ADGRA3: variants seen among roughly 807,000 people sequenced by gnomAD.
ADGRA3 encodes the protein G-protein coupled receptor 125.
Under a neutral mutation model 119.8 loss-of-function variants are expected in ADGRA3, and 56 were observed. The ratio of observed to expected loss-of-function variants is 0.47; its 90% CI spans 0.38 to 0.58. The LOEUF (loss-of-function observed/expected upper bound fraction) is 0.58, where lower values mean the gene tolerates loss of function less well. Among genes scored for constraint, ADGRA3 ranks in the 20% least tolerant of loss-of-function variants. The pLI, the probability that ADGRA3 is intolerant of heterozygous loss-of-function variation, is 0.00. For synonymous variants in ADGRA3, 607 were observed against 623.8 expected, an observed-to-expected ratio of 0.97 and a Z score of 0.40; for missense variants, 1,516 against 1,649.0, an observed-to-expected ratio of 0.92 and a Z score of 1.40.
At chr4:22,431,379 T>A (rs1172512217) in intron 10 of ADGRA3, among the ~76,000 whole-genome samples, 6 of 138,592 alleles carry the variant, frequency 4.3e-5, no homozygotes, top group Non-Finnish European at 9.6e-5. Flanking sequence ...GGGAGGGAGC[T>A]GTACCCTGCA....
chr4:22,447,475 T>A lies in ADGRA3; in HGVS notation c.510A>T (p.Gln170His). The A allele has an allele frequency of 6.3e-7, 1 of 1,580,984 alleles. No individual in the cohort carries two copies. The highest frequency in any genetic ancestry group is 8.6e-7 in the Non-Finnish European group (1 of 1,166,450). Reference protein sequence around the residue: ...LSGNLFSSLSQGTFDYLASLR... With the variant: ...LSGNLFSSLSHGTFDYLASLR... ...ATGACGCAAGATAATCAAAAGTTCC[T>A]TGAGATAATGAAGAAAACAAATTCC... The change falls in exon 5 of 19, where the codon CAA becomes CAT. Residue 170 changes from glutamine to histidine, a missense_variant. This residue lies in a region of ADGRA3 where 428 missense variants were observed against 541.9 expected (regional missense o/e 0.79). Coordinates refer to ENST00000334304, the MANE Select transcript of ADGRA3 (RefSeq NM_145290.4).
chr4:22,444,470 G>C (rs1211906044), intron 6 of ADGRA3, among the ~76,000 whole-genome samples: 1 of 152,204 alleles, frequency 6.6e-6, no homozygotes, highest in Non-Finnish European at 1.5e-5. Flanking sequence ...ATTTTTAGTA[G>C]AGACAGGGTT....
chr4:22,416,662 C>G (rs748922599), intron 12 of ADGRA3, among the ~76,000 whole-genome samples: 11 of 152,052 alleles, frequency 7.2e-5, no homozygotes, highest in Non-Finnish European at 1.5e-4. Context: ...AGAGGAAATG[C>G]CTTAACTAAA....
intron 1 of ADGRA3, chr4:22,515,326 G>A: frequency 2.0e-6 from 1 of 501,710 alleles, no homozygotes; most frequent in Non-Finnish European, 3.2e-6. Flanking sequence ...TAGTGGAGCT[G>A]GGAGGCAGCT....
intron 10 of ADGRA3, among the ~76,000 whole-genome samples, chr4:22,427,787 A>C (rs1716002354): frequency 6.6e-6 from 1 of 152,214 alleles, no homozygotes; most frequent in African/African-American, 2.4e-5. Flanking sequence ...CAACCAGTGT[A>C]AGGAGCATGC....
At chr4:22,413,836 A>T in intron 12 of ADGRA3, 22 bp from the exon 13 acceptor site, 1 of 1,518,884 alleles carries the variant, frequency 6.6e-7, no homozygotes, top group South Asian at 1.2e-5. Flanking sequence ...TATATACATA[A>T]AAAAAGCTCA....
chr4:22,425,118 C>G (rs1246316800), intron 10 of ADGRA3, among the ~76,000 whole-genome samples: 1 of 151,544 alleles, frequency 6.6e-6, no homozygotes, highest in Non-Finnish European at 1.5e-5. Flanking sequence ...CTACCCACCT[C>G]TTTAGTCTCT....
At chr4:22,426,990 C>T (rs1035378698) in intron 10 of ADGRA3, among the ~76,000 whole-genome samples, 3 of 152,072 alleles carry the variant, frequency 2.0e-5, no homozygotes, top group South Asian at 2.1e-4. Context: ...GTCAATCAGC[C>T]GTTTATACAG....
chr4:22,393,580 G>A (rs1270078290), intron 16 of ADGRA3: 1 of 152,142 alleles, frequency 6.6e-6, no homozygotes, highest in Admixed American at 6.5e-5. Flanking sequence ...GGTGATCTGA[G>A]CAAAGTCACG....
intron 3 of ADGRA3, among the ~76,000 whole-genome samples, chr4:22,459,518 G>C (rs1560328351): frequency 6.6e-6 from 1 of 151,886 alleles, no homozygotes; most frequent in African/African-American, 2.4e-5. Context: ...AAATAAGACA[G>C]ACGATGTCAA....
At chr4:22,395,578 C>G (rs1846730) in intron 16 of ADGRA3, among the ~76,000 whole-genome samples, 5,381 of 152,224 alleles carry the variant, frequency 0.035, 327 homozygotes, top group African/African-American at 0.12. Flanking sequence ...GTACGGCTGT[C>G]ATTCAAACTG....
intron 11 of ADGRA3, among the ~76,000 whole-genome samples, chr4:22,423,608 T>A (rs1715806088): frequency 6.6e-6 from 1 of 152,216 alleles, no homozygotes; most frequent in South Asian, 2.1e-4. Flanking sequence ...ACTATGTAAT[T>A]GAGTGATCAT....
chr4:22,419,023 G>A (rs1715542939), intron 12 of ADGRA3, among the ~76,000 whole-genome samples: 4 of 152,146 alleles, frequency 2.6e-5, no homozygotes, highest in Admixed American at 2.6e-4. Flanking sequence ...AAGTTACCGT[G>A]GTTTGTGCAA....
chr4:22,413,946 A>T (rs960326354), intron 12 of ADGRA3, 132 bp from the exon 13 acceptor site: 2 of 587,152 alleles, frequency 3.4e-6, no homozygotes, highest in Non-Finnish European at 5.7e-6. Flanking sequence ...TACAAAATTT[A>T]ACAGTTAAAA....
chr4:22,407,120 A>C (rs1291374656), intron 14 of ADGRA3, among the ~76,000 whole-genome samples: 2 of 152,016 alleles, frequency 1.3e-5, no homozygotes, highest in Non-Finnish European at 2.9e-5. Context: ...AAATACAAAA[A>C]ATTAGCCAGG....
chr4:22,406,534 G>A (rs1714936203), intron 14 of ADGRA3, among the ~76,000 whole-genome samples: 1 of 152,012 alleles, frequency 6.6e-6, no homozygotes, highest in African/African-American at 2.4e-5. Context: ...TTGTGGTTTT[G>A]ATTTGTATTT....
At chr4:22,453,814 T>C (rs955474903) in intron 4 of ADGRA3, among the ~76,000 whole-genome samples, 1 of 152,302 alleles carries the variant, frequency 6.6e-6, no homozygotes. Context: ...TAATCAGCCT[T>C]ATGTCTAATT....
intron 10 of ADGRA3, among the ~76,000 whole-genome samples, chr4:22,431,767 A>T (rs1192120024): frequency 6.6e-6 from 1 of 152,180 alleles, no homozygotes; most frequent in African/African-American, 2.4e-5. Context: ...CACAATGGGT[A>T]AATAATTGTC....
At chr4:22,448,019 T>C (rs1231509680) in intron 4 of ADGRA3, among the ~76,000 whole-genome samples, 1 of 152,168 alleles carries the variant, frequency 6.6e-6, no homozygotes, top group Admixed American at 6.5e-5. Flanking sequence ...ACTGGGGATA[T>C]AATTCCACGT....
Sources: allele counts gnomAD v4.1 joint callset (sites outside exome capture counted in the v4.1 genomes callset), GRCh38; gene constraint gnomAD v4.1.1; regional missense constraint gnomAD v4.1.1; transcripts MANE v1.5; gene names NCBI Gene and HGNC (gene_info 2026-07-23, HGNC 2026-07-21).